NPAS1: variants seen among roughly 807,000 people sequenced by gnomAD.
NPAS1 encodes the protein neuronal PAS domain protein 1, also known as neuronal PAS domain-containing protein 1.
A neutral mutation model predicts 49.2 loss-of-function variants in NPAS1; 29 were observed. That is an observed-to-expected ratio of 0.59 (90% CI 0.44 to 0.80). NPAS1 has a LOEUF of 0.80. Among genes scored for constraint, NPAS1 ranks in the 30% least tolerant of loss-of-function variants. The pLI, the probability that NPAS1 is intolerant of heterozygous loss-of-function variation, is 0.00. For synonymous variants in NPAS1, 408 were observed against 380.4 expected, an observed-to-expected ratio of 1.07 and a Z score of -0.84; for missense variants, 825 against 835.5, an observed-to-expected ratio of 0.99 and a Z score of 0.15.
intron 5 of NPAS1, chr19:47,035,351 G>A (rs1334949296): frequency 1.3e-5 from 2 of 152,486 alleles, no homozygotes; most frequent in Non-Finnish European, 2.9e-5. Flanking sequence ...GGCAGCCATG[G>A]TGGTCAGGTA....
At chr19:47,024,634 C>T (rs777261086) in intron 3 of NPAS1, among the ~76,000 whole-genome samples, 6 of 152,060 alleles carry the variant, frequency 3.9e-5, no homozygotes, top group Non-Finnish European at 2.9e-5. Context: ...CCCCAAAGGC[C>T]GCCTCTCAAC....
intron 5 of NPAS1, among the ~76,000 whole-genome samples, chr19:47,034,560 G>A (rs1282362486): frequency 6.6e-6 from 1 of 152,090 alleles, no homozygotes; most frequent in Non-Finnish European, 1.5e-5. Context: ...ATTTGGACAA[G>A]AGGACGGGAG....
intron 3 of NPAS1, among the ~76,000 whole-genome samples, chr19:47,022,867 C>T (rs2056850240): frequency 6.6e-6 from 1 of 152,186 alleles, no homozygotes; most frequent in South Asian, 2.1e-4. Context: ...CATAGAAGTG[C>T]TGTTATGTTA....
At position 47,021,278 on chromosome 19, in the gene NPAS1, C is replaced by T; in HGVS notation, c.122+109C>T. ...AGTTCACACCCAGCTCCCTGACCCG[C>T]CCCTTAGGGCTAGAAGGTCTTACCT... On this transcript the variant is annotated intron_variant, in intron 2 of 11. Coordinates refer to ENST00000602212, the MANE Select transcript of NPAS1 (RefSeq NM_002517.4). The surrounding 1 kb of genome is among the most constrained non-coding windows in gnomAD (Gnocchi z 5.7). The T allele has an allele frequency of 1.0e-6, 1 of 990,114 alleles. No homozygotes were observed. Among genetic ancestry groups the T allele is most frequent in the South Asian group, 1.8e-5 (1 of 56,330 alleles). The allele number at this position is 990,114 out of a possible 1,614,324, so 61.3% of individuals were successfully genotyped here.
rs1207593128 is a variant in NPAS1, at chr19:47,021,102, G to A, written c.55G>A (p.Gly19Ser). Residue 19 changes from glycine to serine, a missense_variant, in exon 2 of 12, where the codon GGC (glycine) becomes AGC (serine). By Grantham distance (56) the Gly-to-Ser change is moderately conservative (BLOSUM62 0). Coordinates refer to ENST00000602212, the MANE Select transcript of NPAS1 (RefSeq NM_002517.4). The surrounding 1 kb of genome is among the most constrained non-coding windows in gnomAD (Gnocchi z 5.7). ...GGGSEVKCVGGRGASVPWDFL... is the reference protein window; with the variant it reads ...GGGSEVKCVGSRGASVPWDFL... The stretch of plus-strand genomic sequence containing the variant: ...CGGAAGCGAGGTCAAATGCGTGGGA[G>A]GCCGCGGCGCCAGCGTCCCCTGGGA... The A allele has an allele frequency of 1.2e-6, 2 of 1,603,638 alleles. No individual in the cohort carries two copies. Among genetic ancestry groups the A allele is most frequent in the Middle Eastern group, 1.7e-4 (1 of 6,002 alleles).
At chr19:47,040,700 G>A in intron 9 of NPAS1, 150 bp downstream of exon 9, 1 of 624,376 alleles carries the variant, frequency 1.6e-6, no homozygotes, top group South Asian at 1.9e-5. Flanking sequence ...CATTGGAAGA[G>A]CAGCAAGGAG....
At chr19:47,033,639 A>G (rs2056923722) in intron 5 of NPAS1, among the ~76,000 whole-genome samples, 1 of 152,120 alleles carries the variant, frequency 6.6e-6, no homozygotes, top group Admixed American at 6.6e-5. Flanking sequence ...CATATTTGCC[A>G]ACACTTGTTT....
At chr19:47,037,052 G>GAAAA (rs150861252) in intron 6 of NPAS1, among the ~76,000 whole-genome samples, 1 of 120,642 alleles carries the variant, frequency 8.3e-6, no homozygotes, top group African/African-American at 3.2e-5. Context: ...CCAGTGTCTG[G>GAAAA]AAAAAAAAAA....
intron 10 of NPAS1, 151 bp downstream of exon 10, chr19:47,041,276 G>C (rs2057018735): frequency 1.3e-6 from 1 of 785,904 alleles, no homozygotes; most frequent in Admixed American, 3.4e-5. Flanking sequence ...GATGGTGAGA[G>C]CAGAGGCCCA....
At chr19:47,036,508 A>G (rs149938850) in intron 6 of NPAS1, among the ~76,000 whole-genome samples, 120 of 152,246 alleles carry the variant, frequency 7.9e-4, no homozygotes, top group African/African-American at 2.8e-3. Flanking sequence ...CGGGAGGCCC[A>G]GGGGGGCGGA....
chr19:47,020,743 G>T, intron 1 of NPAS1: 2 of 180,516 alleles, frequency 1.1e-5, no homozygotes, highest in South Asian at 3.5e-4. Flanking sequence ...TGGTATGCGG[G>T]AGCCGGCCCG....
In NPAS1 at chr19:47,045,621, G is replaced by T; in HGVS notation, c.1743G>T (p.Ala581=). The T allele has an allele frequency of 6.9e-7, 1 of 1,439,444 alleles. No homozygotes were observed. The highest frequency in any genetic ancestry group is 9.0e-7 in the Non-Finnish European group (1 of 1,107,700). 89.2% of individuals were successfully genotyped at this position (1,439,444 alleles called of 1,614,324 possible). The change falls in exon 12 of 12, where the codon GCG becomes GCT. Residue 581 remains alanine, a synonymous_variant. Transcript: ENST00000602212. ...TGGGCCTGCCCTACCCGGGGCCCGC[G>T]GGCACCAGGCTGCCGCGGAAGGGGG... ...PPLGLPYPGP[A]GTRLPRKGD
intron 5 of NPAS1, chr19:47,035,223 A>AAGAAGAAGAAGAAGAAGAAGAAGAAG (rs1555771746): frequency 1.3e-5 from 2 of 153,078 alleles, no homozygotes; most frequent in Admixed American, 6.5e-5. Context: ...AAGAAGAAGG[A>AAGAAGAAGAAGAAGAAGAAGAAGAAG]AAGGCTTGAA....
In NPAS1 at chr19:47,041,821, AT is replaced by A. The variant is rs1485772547; in HGVS notation, c.1217+703del. 2.0e-3 allele frequency among the ~76,000 whole-genome samples: 303 copies of A among 151,030 alleles called. 2 individuals carry two copies. Among genetic ancestry groups the A allele is most frequent in the Middle Eastern group, 6.9e-3 (2 of 290 alleles). The stretch of plus-strand genomic sequence containing the variant: ...GAGGTCCCATCTCTATTAAAAAAAA[AT>A]TTTTTTAATTGGCCCGTTACAGTGG... On this transcript the variant is annotated intron_variant, in intron 10 of 11. Coordinates refer to ENST00000602212, the MANE Select transcript of NPAS1 (RefSeq NM_002517.4).
At chr19:47,029,639 G>A (rs2056893959) in intron 3 of NPAS1, among the ~76,000 whole-genome samples, 2 of 152,100 alleles carry the variant, frequency 1.3e-5, no homozygotes, top group African/African-American at 4.8e-5. Flanking sequence ...GGCCTCAGGT[G>A]ATCCACCCAC....
intron 7 of NPAS1, 84 bp downstream of exon 7, chr19:47,039,235 T>A: frequency 6.8e-7 from 1 of 1,473,584 alleles, no homozygotes; most frequent in Non-Finnish European, 9.2e-7. Flanking sequence ...GCTGGTGGCT[T>A]CACTGGCTGC....
At chr19:47,034,254 C>T (rs2056929974) in intron 5 of NPAS1, among the ~76,000 whole-genome samples, 1 of 139,748 alleles carries the variant, frequency 7.2e-6, no homozygotes, top group South Asian at 2.2e-4. Flanking sequence ...GTGGAGGGTA[C>T]AGTGAGCCGA....
At position 47,032,358 on chromosome 19, in the gene NPAS1, G is replaced by A. The variant is rs368338903; in HGVS notation, c.432+7G>A. ...GGGAGGTCACATCTTGCAGGTGAGTGAGGCCCCTTCCCTGCCTGCCGCTCC... is the reference window on the plus strand; with the variant it reads ...GGGAGGTCACATCTTGCAGGTGAGTAAGGCCCCTTCCCTGCCTGCCGCTCC... On this transcript the variant is annotated splice_region_variant and intron_variant, in intron 4 of 11. Transcript: ENST00000602212. The A allele has an allele frequency of 1.9e-6, 3 of 1,613,798 alleles. No individual in the cohort carries two copies. The African/African-American group carries it at 4.0e-5, about 22-fold the overall frequency.
At chr19:47,043,899 A>T (rs979244387) in intron 11 of NPAS1, among the ~76,000 whole-genome samples, 15 of 152,062 alleles carry the variant, frequency 9.9e-5, no homozygotes, top group Admixed American at 2.0e-4. Context: ...ACCCCATCTC[A>T]ACAAAAAATT....
Sources: allele counts gnomAD v4.1 joint callset (sites outside exome capture counted in the v4.1 genomes callset), GRCh38; gene constraint gnomAD v4.1.1; non-coding constraint Gnocchi (gnomAD v3.1); transcripts MANE v1.5; gene names NCBI Gene and HGNC (gene_info 2026-07-23, HGNC 2026-07-21).